CSNK1G1: variants seen among roughly 807,000 people sequenced by gnomAD.
CSNK1G1 encodes the protein casein kinase I isoform gamma-1.
In CSNK1G1, 22 loss-of-function variants were observed where a neutral mutation model predicts 59.6. The observed-to-expected ratio is 0.37, with a 90% confidence interval of 0.26 to 0.53. The LOEUF is 0.53. CSNK1G1 is among the 20% of genes least tolerant of loss of function. The probability of loss-of-function intolerance (pLI) is 0.89; values close to 1 mark genes in which losing one functional copy is unlikely to be tolerated. For missense variants in CSNK1G1, 384 were observed against 519.5 expected, an observed-to-expected ratio of 0.74 and a Z score of 2.54; for synonymous variants, 179 against 177.1, an observed-to-expected ratio of 1.01 and a Z score of -0.08.
chr15:64,327,652 C>A (rs926798581), intron 1 of CSNK1G1, among the ~76,000 whole-genome samples: 6 of 151,866 alleles, frequency 4.0e-5, no homozygotes, highest in Non-Finnish European at 8.8e-5. Context: ...TCCTCACCAG[C>A]AACGGAACAA....
At chr15:64,198,907 AC>A (rs1335980497) in intron 10 of CSNK1G1, among the ~76,000 whole-genome samples, 1 of 151,982 alleles carries the variant, frequency 6.6e-6, no homozygotes, top group East Asian at 1.9e-4. Flanking sequence ...ATTTACATCA[AC>A]GTGAAGGAAT....
chr15:64,171,650 A>G lies in CSNK1G1; in HGVS notation c.*281T>C, dbSNP rs1656868482. 9.9e-6 allele frequency: 5 copies of G among 505,204 alleles called. No individual in the cohort carries two copies. The highest frequency in any genetic ancestry group is 1.4e-5 in the Non-Finnish European group (4 of 280,596). The allele number at this position is 505,204 out of a possible 1,614,324, so 31.3% of individuals were successfully genotyped here. A position where few individuals can be genotyped will look rare whatever the true frequency, so the allele number is the denominator to read the frequency against. On this transcript the variant is annotated 3_prime_UTR_variant, in exon 12 of 12. Coordinates refer to ENST00000303052, the MANE Select transcript of CSNK1G1 (RefSeq NM_022048.5). The surrounding 1 kb of genome is among the most constrained non-coding windows in gnomAD (Gnocchi z 4.8). ...TTTTTGTGAATGACACCTTCACTGTAAACAATGGGAAGGAGAGTCAACCAG... is the reference window on the plus strand; with the variant it reads ...TTTTTGTGAATGACACCTTCACTGTGAACAATGGGAAGGAGAGTCAACCAG...
intron 1 of CSNK1G1, among the ~76,000 whole-genome samples, chr15:64,345,313 C>T (rs1015395764): frequency 6.6e-6 from 1 of 152,166 alleles, no homozygotes; most frequent in African/African-American, 2.4e-5. Context: ...GAAAGTACAG[C>T]AGTACCCATG....
intron 1 of CSNK1G1, among the ~76,000 whole-genome samples, chr15:64,333,638 C>A (rs1482127185): frequency 6.6e-6 from 1 of 151,874 alleles, no homozygotes; most frequent in African/African-American, 2.4e-5. Flanking sequence ...TTAAAAGGTA[C>A]AAATTGGCAA....
At chr15:64,203,347 C>T (rs1356737025) in intron 9 of CSNK1G1, among the ~76,000 whole-genome samples, 158 bp from the exon 10 acceptor site, 1 of 152,122 alleles carries the variant, frequency 6.6e-6, no homozygotes, top group African/African-American at 2.4e-5. Context: ...TGCTCATCTG[C>T]AAAAGGGAGG....
chr15:64,217,053 A>C (rs781768034), intron 4 of CSNK1G1, among the ~76,000 whole-genome samples: 1 of 152,228 alleles, frequency 6.6e-6, no homozygotes, highest in Non-Finnish European at 1.5e-5. Flanking sequence ...AAAAGGCTCA[A>C]AGGATGGCTC....
chr15:64,204,723 A>G, intron 8 of CSNK1G1, 134 bp from the exon 9 acceptor site: 1 of 1,214,228 alleles, frequency 8.2e-7, no homozygotes. Flanking sequence ...TGACAAAATA[A>G]AAGTGATAAA....
intron 5 of CSNK1G1, among the ~76,000 whole-genome samples, chr15:64,215,434 G>C (rs767318260): frequency 4.0e-5 from 6 of 151,616 alleles, no homozygotes; most frequent in Non-Finnish European, 7.4e-5. Flanking sequence ...GGATGGTCTC[G>C]ATCTCCTGAC....
chr15:64,216,486 TA>T lies in CSNK1G1; in HGVS notation c.444+75del, dbSNP rs1567378303. 3.5e-6 allele frequency: 5 copies of T among 1,428,772 alleles called. No individual in the cohort carries two copies. The South Asian group carries it at 6.1e-5, about 17-fold the overall frequency. 88.5% of individuals were successfully genotyped at this position (1,428,772 alleles called of 1,614,324 possible). A position where few individuals can be genotyped will look rare whatever the true frequency, so the allele number is the denominator to read the frequency against. The stretch of plus-strand genomic sequence containing the variant: ...ATTCTTGATGTGTTGCTACGGCTAG[TA>T]AATCACCAAAAGGCCCACAAGGATG... On this transcript the variant is annotated intron_variant, in intron 5 of 11. Transcript: ENST00000303052. This position sits in a 1 kb window ranked among gnomAD's most constrained non-coding sequence, Gnocchi z 4.6.
chr15:64,254,814 GT>G (rs1422985757), intron 3 of CSNK1G1, among the ~76,000 whole-genome samples: 1 of 152,126 alleles, frequency 6.6e-6, no homozygotes, highest in Non-Finnish European at 1.5e-5. Flanking sequence ...AACTTAGCTA[GT>G]TTTTTTCTTT....
chr15:64,208,887 T>C (rs2082216066), intron 6 of CSNK1G1, among the ~76,000 whole-genome samples: 2 of 151,756 alleles, frequency 1.3e-5, no homozygotes, highest in Admixed American at 1.3e-4. Context: ...GATTTCTTTT[T>C]TCTTTTTTTT....
chr15:64,181,550 A>G, intron 10 of CSNK1G1: 1 of 953,378 alleles, frequency 1.0e-6, no homozygotes, highest in Non-Finnish European at 1.5e-6. Context: ...TTATACAAGA[A>G]AATGTATGAG....
rs1442493080 is a variant in CSNK1G1, at chr15:64,176,038, G to A, written c.1215-4053C>T. ...ATACTGTGGGATACTGTTATGGCAG[G>A]AGGAGACAGCGATAAGATGGGTTTG... On this transcript the variant is annotated intron_variant, in intron 11 of 11. Transcript: ENST00000303052. This position sits in a 1 kb window ranked among gnomAD's most constrained non-coding sequence, Gnocchi z 5.2. 6.6e-6 allele frequency among the ~76,000 whole-genome samples: 1 copy of A among 152,214 alleles called. No homozygotes were observed. The highest frequency in any genetic ancestry group is 2.4e-5 in the African/African-American group (1 of 41,454).
intron 1 of CSNK1G1, among the ~76,000 whole-genome samples, chr15:64,314,195 C>A (rs113346290): frequency 6.6e-6 from 1 of 152,180 alleles, no homozygotes; most frequent in East Asian, 1.9e-4. Flanking sequence ...CAGTGCAATG[C>A]AGCCTTGAAC....
At chr15:64,293,154 T>C (rs966038171) in intron 2 of CSNK1G1, among the ~76,000 whole-genome samples, 40 of 150,240 alleles carry the variant, frequency 2.7e-4, no homozygotes, top group African/African-American at 9.9e-4. Flanking sequence ...TTAGTATCAA[T>C]CTATAAAATC....
Position 64,166,363 on chromosome 15 carries a change from A to G in CSNK1G1, c.*5568T>C, listed in dbSNP as rs901479429. On this transcript the variant is annotated 3_prime_UTR_variant, in exon 12 of 12. Coordinates refer to ENST00000303052, the MANE Select transcript of CSNK1G1 (RefSeq NM_022048.5). This position sits in a 1 kb window ranked among gnomAD's most constrained non-coding sequence, Gnocchi z 4.5. ...GTTTATCTTTATCTTTTCTGCTGTT[A>G]TTTTTTTTCTCTGCTTGATAAAATG... is the stretch of plus-strand genomic sequence containing the variant. 5.1e-6 allele frequency: 1 copy of G among 195,014 alleles called. No homozygotes were observed. Among genetic ancestry groups the G allele is most frequent in the Non-Finnish European group, 1.0e-5 (1 of 96,934 alleles). The allele number at this position is 195,014 out of a possible 1,614,324, so 12.1% of individuals were successfully genotyped here.
At chr15:64,178,128 A>G (rs996540786) in intron 11 of CSNK1G1, among the ~76,000 whole-genome samples, 1 of 152,204 alleles carries the variant, frequency 6.6e-6, no homozygotes, top group African/African-American at 2.4e-5. Flanking sequence ...ATTTTCTACC[A>G]TGCCCCAAAT....
chr15:64,232,781 G>A (rs8033972), intron 4 of CSNK1G1, among the ~76,000 whole-genome samples: 66,798 of 151,942 alleles, frequency 0.44, 20,242 homozygotes, highest in African/African-American at 0.86. Flanking sequence ...CAATGCCAGA[G>A]AAATGGCTGT....
In CSNK1G1 at chr15:64,204,868, G is replaced by T. The variant is rs374310160; in HGVS notation, c.847C>A (p.Pro283Thr). Residue 283 changes from proline to threonine, a missense_variant, in exon 8 of 12, where the codon CCA becomes ACA. Physicochemically the swap from Pro to Thr is conservative, Grantham distance 38. Transcript: ENST00000303052. ...TPIEALCENFPEEMATYLRYV... is the reference protein window; with the variant it reads ...TPIEALCENFTEEMATYLRYV... ...GAATGTCTTTTTAGCATCCCACCTG[G>T]AAAGTTCTCACAGAGAGCTTCAATG... 1.2e-6 allele frequency: 2 copies of T among 1,603,710 alleles called. No homozygotes were observed. The highest frequency in any genetic ancestry group is 3.3e-5 in the Admixed American group (2 of 59,918).
Sources: gnomAD v4.1 joint callset for allele counts (sites outside exome capture counted in the v4.1 genomes callset) on GRCh38, gnomAD v4.1.1 for gene constraint, Gnocchi (gnomAD v3.1) non-coding constraint, MANE v1.5 for transcripts, NCBI Gene and HGNC (gene_info 2026-07-23, HGNC 2026-07-21) for gene names.